The following WWOX variants were observed in gnomAD, a reference collection of about 807,000 sequenced individuals.
WWOX encodes the protein WW domain-containing oxidoreductase.
A neutral mutation model predicts 46.2 loss-of-function variants in WWOX; 69 were observed. The ratio of observed to expected loss-of-function variants is 1.49; its 90% CI spans 1.23 to 1.82. The LOEUF (loss-of-function observed/expected upper bound fraction) is 1.82. Ranked by LOEUF, WWOX falls within the 40% of genes most tolerant of loss-of-function variation. The pLI is 0.00. For missense variants in WWOX, 919 were observed against 542.6 expected, an observed-to-expected ratio of 1.69 and a Z score of -6.89; for synonymous variants, 359 against 202.6, an observed-to-expected ratio of 1.77 and a Z score of -6.56.
At chr16:78,384,102 T>A (rs955254708) in intron 5 of WWOX, among the ~76,000 whole-genome samples, 2 of 152,128 alleles carry the variant, frequency 1.3e-5, no homozygotes, top group Non-Finnish European at 2.9e-5. Flanking sequence ...TCTTCCTGTT[T>A]TATGGGGGAA....
chr16:78,644,052 G>T (rs2046785047), intron 8 of WWOX, among the ~76,000 whole-genome samples: 1 of 152,034 alleles, frequency 6.6e-6, no homozygotes, highest in Non-Finnish European at 1.5e-5. Context: ...GAGAAAACCT[G>T]TGTCTTCTAA....
intron 8 of WWOX, among the ~76,000 whole-genome samples, chr16:78,970,723 C>G (rs181601570): frequency 4.4e-4 from 67 of 152,038 alleles, no homozygotes; most frequent in African/African-American, 1.6e-3. Context: ...GTAGAACTTT[C>G]ACAGAACAGT....
At chr16:78,360,559 C>G (rs1359749385) in intron 5 of WWOX, among the ~76,000 whole-genome samples, 4 of 130,586 alleles carry the variant, frequency 3.1e-5, no homozygotes, top group African/African-American at 9.3e-5. Flanking sequence ...GCACTCCAGT[C>G]TGGGCGACAG....
chr16:78,479,749 G>A (rs2084442621), intron 8 of WWOX, among the ~76,000 whole-genome samples: 1 of 152,196 alleles, frequency 6.6e-6, no homozygotes, highest in East Asian at 1.9e-4. Flanking sequence ...TGGCCTGGGA[G>A]TCTAGACAGT....
At chr16:78,744,677 C>G (rs995533497) in intron 8 of WWOX, among the ~76,000 whole-genome samples, 4 of 152,094 alleles carry the variant, frequency 2.6e-5, no homozygotes, top group African/African-American at 9.7e-5. Context: ...AGTGATCCAC[C>G]TGCCTCGGCC....
intron 5 of WWOX, among the ~76,000 whole-genome samples, chr16:78,349,490 C>G (rs1478910590): frequency 1.7e-5 from 2 of 120,566 alleles, no homozygotes; most frequent in African/African-American, 5.6e-5. Flanking sequence ...TCACTTAATC[C>G]TTGCCCCACC....
At chr16:79,035,648 C>T (rs576026037) in intron 8 of WWOX, among the ~76,000 whole-genome samples, 1 of 152,186 alleles carries the variant, frequency 6.6e-6, no homozygotes, top group Non-Finnish European at 1.5e-5. Flanking sequence ...AAGTGATTCT[C>T]CTGCCTCAGC....
At chr16:78,353,348 T>C (rs2151907709) in intron 5 of WWOX, among the ~76,000 whole-genome samples, 1 of 152,290 alleles carries the variant, frequency 6.6e-6, no homozygotes, top group East Asian at 1.9e-4. Context: ...GGCCAGAAGC[T>C]ATGAACAGAT....
At chr16:79,164,348 A>C (rs996384804) in intron 8 of WWOX, among the ~76,000 whole-genome samples, 2 of 152,122 alleles carry the variant, frequency 1.3e-5, no homozygotes, top group African/African-American at 4.8e-5. Context: ...GATTGCTTTT[A>C]GATTGCCACT....
At chr16:78,431,953 C>G (rs1319347984) in intron 7 of WWOX, among the ~76,000 whole-genome samples, 1 of 152,056 alleles carries the variant, frequency 6.6e-6, no homozygotes, top group Non-Finnish European at 1.5e-5. Context: ...TACACTCAAG[C>G]AATCCTCCCG....
chr16:78,471,731 A>G (rs1286595473), intron 8 of WWOX, among the ~76,000 whole-genome samples: 1 of 152,224 alleles, frequency 6.6e-6, no homozygotes, highest in African/African-American at 2.4e-5. Flanking sequence ...TAGTCCCTGA[A>G]CATCATTTGG....
chr16:78,888,388 G>A (rs1056515860), intron 8 of WWOX, among the ~76,000 whole-genome samples: 1 of 152,154 alleles, frequency 6.6e-6, no homozygotes, highest in African/African-American at 2.4e-5. Context: ...TGGCCCTTGG[G>A]TCCCTGTTGT....
At chr16:78,796,084 G>T (rs1392641269) in intron 8 of WWOX, among the ~76,000 whole-genome samples, 1 of 152,214 alleles carries the variant, frequency 6.6e-6, no homozygotes, top group Non-Finnish European at 1.5e-5. Flanking sequence ...CTGGCTAAGA[G>T]AATGGCTCTG....
intron 8 of WWOX, among the ~76,000 whole-genome samples, chr16:79,199,655 C>T (rs2051308609): frequency 6.6e-6 from 1 of 152,088 alleles, no homozygotes; most frequent in African/African-American, 2.4e-5. Context: ...CAGAAGGTAT[C>T]CTGGCCCCTG....
At chr16:78,132,247 T>A (rs913281916) in intron 4 of WWOX, among the ~76,000 whole-genome samples, 2 of 151,646 alleles carry the variant, frequency 1.3e-5, no homozygotes, top group African/African-American at 4.8e-5. Flanking sequence ...AGGATGGTCT[T>A]GATCTCCTGA....
chr16:78,700,108 C>G (rs553039367), intron 8 of WWOX, among the ~76,000 whole-genome samples: 1 of 151,608 alleles, frequency 6.6e-6, no homozygotes, highest in Non-Finnish European at 1.5e-5. Flanking sequence ...TTTTTTCAAC[C>G]CACACTAGTT....
chr16:78,127,870 A>G (rs1260954582), intron 4 of WWOX, among the ~76,000 whole-genome samples: 17 of 152,212 alleles, frequency 1.1e-4, no homozygotes. Flanking sequence ...AGAGAGCTGT[A>G]ATTTGACACA....
intron 8 of WWOX, among the ~76,000 whole-genome samples, chr16:78,958,367 C>G (rs977897255): frequency 5.3e-5 from 8 of 152,156 alleles, no homozygotes; most frequent in Non-Finnish European, 1.0e-4. Context: ...AAAGATGGTA[C>G]AAACCCCCAT....
At chr16:78,331,972 C>G (rs1459595933) in intron 5 of WWOX, among the ~76,000 whole-genome samples, 1 of 152,136 alleles carries the variant, frequency 6.6e-6, no homozygotes, top group East Asian at 1.9e-4. Flanking sequence ...GACTCCAAAG[C>G]TGTGTCCTCA....
Sources: allele counts gnomAD v4.1 joint callset (sites outside exome capture counted in the v4.1 genomes callset), GRCh38; gene constraint gnomAD v4.1.1; transcripts MANE v1.5; gene names NCBI Gene and HGNC (gene_info 2026-07-23, HGNC 2026-07-21).